Variants in STAG1 observed in about 807,000 individuals in gnomAD.
The protein encoded by STAG1 is cohesin subunit SA-1.
Under a neutral mutation model 170.9 loss-of-function variants are expected in STAG1, and 26 were observed. The observed-to-expected ratio is 0.15, with a 90% CI of 0.11 to 0.21. The LOEUF (loss-of-function observed/expected upper bound fraction) is 0.21. STAG1 is among the 10% of genes least tolerant of loss of function. The probability of loss-of-function intolerance (pLI) is 1.00; values close to 1 mark genes in which losing one functional copy is unlikely to be tolerated. For missense variants in STAG1, 964 were observed against 1,509.5 expected, an observed-to-expected ratio of 0.64 and a Z score of 5.99; for synonymous variants, 514 against 497.7, an observed-to-expected ratio of 1.03 and a Z score of -0.44.
chr3:136,347,474 C>T (rs1157519015), intron 29 of STAG1, among the ~76,000 whole-genome samples: 1 of 148,156 alleles, frequency 6.7e-6, no homozygotes, highest in African/African-American at 2.5e-5. Context: ...AGTACAAAGA[C>T]AAGATTTTAT....
At chr3:136,504,435 T>C (rs1196896770) in intron 7 of STAG1, among the ~76,000 whole-genome samples, 1 of 152,218 alleles carries the variant, frequency 6.6e-6, no homozygotes, top group Non-Finnish European at 1.5e-5. Context: ...AACTGAGAAA[T>C]ATTCTTGTGT....
intron 1 of STAG1, among the ~76,000 whole-genome samples, chr3:136,663,519 G>C (rs780354751): frequency 9.2e-5 from 14 of 152,190 alleles, no homozygotes; most frequent in Non-Finnish European, 1.6e-4. Flanking sequence ...GGGAATGAAA[G>C]ATTTTACAGG....
At chr3:136,686,224 C>T (rs1255663567) in intron 1 of STAG1, among the ~76,000 whole-genome samples, 2 of 152,208 alleles carry the variant, frequency 1.3e-5, no homozygotes, top group Non-Finnish European at 2.9e-5. Context: ...TTGGGTGTCA[C>T]AGTAACTCCA....
At position 136,747,093 on chromosome 3, in the gene STAG1, T is replaced by TAAAAAAAA. The variant is rs71134408; in HGVS notation, c.-84+5094_-84+5101dup. Among the ~76,000 whole-genome samples the TAAAAAAAA allele has an allele frequency of 2.3e-3, 135 of 59,288 alleles. 7 individuals carry two copies. Among genetic ancestry groups the TAAAAAAAA allele is most frequent in the African/African-American group, 2.7e-3 (33 of 12,086 alleles). 38.9% of individuals were successfully genotyped at this position (59,288 alleles called of 152,430 possible). A position where few individuals can be genotyped will look rare whatever the true frequency, so the allele number is the denominator to read the frequency against. ...CCTGGGCAACAAGAGTGAAACTGTC[T>TAAAAAAAA]AAAAAAAAAAAAAAAAAAAAAAAAA... is the stretch of plus-strand genomic sequence containing the variant. On this transcript the variant is annotated intron_variant, in intron 1 of 33. Transcript: ENST00000383202.
At chr3:136,652,603 A>T (rs1292036533) in intron 1 of STAG1, among the ~76,000 whole-genome samples, 3 of 152,218 alleles carry the variant, frequency 2.0e-5, no homozygotes, top group Non-Finnish European at 4.4e-5. Flanking sequence ...AGAAAGGAAG[A>T]GACCAGATCA....
intron 10 of STAG1, among the ~76,000 whole-genome samples, chr3:136,477,014 TATA>T (rs1426473312): frequency 6.6e-6 from 1 of 152,182 alleles, no homozygotes; most frequent in Non-Finnish European, 1.5e-5. Context: ...AGAAAAAGAA[TATA>T]ATGATTTTCT....
intron 30 of STAG1, among the ~76,000 whole-genome samples, chr3:136,341,937 T>C (rs1935991683): frequency 6.6e-6 from 1 of 152,224 alleles, no homozygotes; most frequent in Admixed American, 6.5e-5. Flanking sequence ...ATAGCATCTT[T>C]TCCTCAGTCT....
At chr3:136,611,353 T>C (rs531831667) in intron 3 of STAG1, among the ~76,000 whole-genome samples, 170 of 152,172 alleles carry the variant, frequency 1.1e-3, no homozygotes, top group Non-Finnish European at 1.9e-3. Context: ...TTCTCCATGT[T>C]GGTCAGGCTG....
At chr3:136,630,150 G>C (rs776214396) in intron 2 of STAG1, among the ~76,000 whole-genome samples, 2 of 152,024 alleles carry the variant, frequency 1.3e-5, no homozygotes, top group Admixed American at 1.3e-4. Context: ...AGCCGAGATC[G>C]CACCACTGCA....
At chr3:136,627,863 C>A (rs1025089975) in intron 2 of STAG1, among the ~76,000 whole-genome samples, 3 of 152,148 alleles carry the variant, frequency 2.0e-5, no homozygotes, top group Non-Finnish European at 1.5e-5. Context: ...TCCAGGGTAA[C>A]TAGTTTATCA....
At chr3:136,487,791 T>A (rs2090046615) in intron 9 of STAG1, among the ~76,000 whole-genome samples, 1 of 152,228 alleles carries the variant, frequency 6.6e-6, no homozygotes, top group Non-Finnish European at 1.5e-5. Flanking sequence ...AAAGTATCTC[T>A]GATGAATATA....
intron 1 of STAG1, among the ~76,000 whole-genome samples, chr3:136,708,433 T>C (rs1315017597): frequency 1.3e-5 from 2 of 152,022 alleles, no homozygotes; most frequent in South Asian, 2.1e-4. Flanking sequence ...ATAGAAAGCA[T>C]ATTAGTGATT....
At chr3:136,652,158 G>A (rs112810640) in intron 1 of STAG1, among the ~76,000 whole-genome samples, 178 of 152,172 alleles carry the variant, frequency 1.2e-3, no homozygotes, top group African/African-American at 2.5e-3. Flanking sequence ...ACATCAAAAC[G>A]AACAAGTTAA....
chr3:136,747,129 C>T (rs947951968), intron 1 of STAG1, among the ~76,000 whole-genome samples: 2 of 118,082 alleles, frequency 1.7e-5, no homozygotes, highest in South Asian at 2.5e-4. Flanking sequence ...AAAAATTAGC[C>T]GGGCATGGTG....
chr3:136,658,087 G>C (rs926182300), intron 1 of STAG1, among the ~76,000 whole-genome samples: 2 of 151,746 alleles, frequency 1.3e-5, no homozygotes, highest in South Asian at 4.2e-4. Flanking sequence ...CTTCAGGGGG[G>C]GCTGAGGTGG....
At chr3:136,660,782 A>G (rs1576728954) in intron 1 of STAG1, among the ~76,000 whole-genome samples, 1 of 152,196 alleles carries the variant, frequency 6.6e-6, no homozygotes, top group South Asian at 2.1e-4. Context: ...CAGTCTGGAC[A>G]CATGATGAGA....
In STAG1 at chr3:136,336,717, AC is replaced by A. The variant is rs1935692912; in HGVS notation, c.*1536del. ...GTGACCAGGTTTTTTTCAGAACTGT[AC>A]AAATGTTGAGAAAAATGTTTTGTGT... is the stretch of plus-strand genomic sequence containing the variant. On this transcript the variant is annotated 3_prime_UTR_variant, in exon 34 of 34. Coordinates refer to ENST00000383202, the MANE Select transcript of STAG1 (RefSeq NM_005862.3). The A allele has an allele frequency of 6.6e-6, 1 of 152,234 alleles. No homozygotes were observed. Among genetic ancestry groups the A allele is most frequent in the Non-Finnish European group, 1.5e-5 (1 of 68,044 alleles). 9.4% of individuals were successfully genotyped at this position (152,234 alleles called of 1,614,324 possible). A position where few individuals can be genotyped will look rare whatever the true frequency, so the allele number is the denominator to read the frequency against.
intron 1 of STAG1, chr3:136,721,628 G>C (rs1271769391): frequency 6.6e-6 from 1 of 152,070 alleles, no homozygotes; most frequent in African/African-American, 2.4e-5. Context: ...GGTGACTCTC[G>C]CCTGTAATCC....
intron 3 of STAG1, among the ~76,000 whole-genome samples, chr3:136,612,236 T>C (rs1259027109): frequency 1.3e-5 from 2 of 152,150 alleles, no homozygotes; most frequent in Non-Finnish European, 2.9e-5. Flanking sequence ...TCTATTAGGG[T>C]TGCTCAACCG....
Sources: gnomAD v4.1 joint callset for allele counts (sites outside exome capture counted in the v4.1 genomes callset) on GRCh38, gnomAD v4.1.1 for gene constraint, MANE v1.5 for transcripts, NCBI Gene and HGNC (gene_info 2026-07-23, HGNC 2026-07-21) for gene names.